Variants in TSPEAR observed in about 807,000 individuals in gnomAD.
TSPEAR encodes the protein thrombospondin type laminin G domain and EAR repeats.
In TSPEAR, 69 loss-of-function variants were observed where a neutral mutation model predicts 71.6. The observed-to-expected ratio is 0.96, with a 90% confidence interval of 0.79 to 1.18. TSPEAR has a LOEUF of 1.18. Among genes scored for constraint, TSPEAR ranks in the 50% most tolerant of loss-of-function variants. The pLI is 0.00. For synonymous variants in TSPEAR, 402 were observed against 387.2 expected (o/e 1.04, Z -0.45); for missense variants, 971 against 894.9 (o/e 1.09, Z -1.09).
At chr21:44,671,386 C>T (rs1986048435) in intron 1 of TSPEAR, among the ~76,000 whole-genome samples, 1 of 152,178 alleles carries the variant, frequency 6.6e-6, no homozygotes, top group Non-Finnish European at 1.5e-5. Context: ...TCTGGAGGCC[C>T]AAGAATCAGC....
intron 1 of TSPEAR, among the ~76,000 whole-genome samples, chr21:44,693,154 AG>A (rs1394535301): frequency 2.0e-5 from 3 of 152,210 alleles, no homozygotes; most frequent in Non-Finnish European, 2.9e-5. Flanking sequence ...CTAGATTTAC[AG>A]ATGGGAAAGA....
intron 2 of TSPEAR, among the ~76,000 whole-genome samples, chr21:44,553,722 A>AC (rs71199611): frequency 0.23 from 34,261 of 152,012 alleles, 4,107 homozygotes; most frequent in East Asian, 0.37. Flanking sequence ...AAATCAGGCC[A>AC]CCTAGACATG....
rs782590976 is a variant in TSPEAR at position 44,509,382 on chromosome 21, A to C, written c.1571T>G (p.Phe524Cys). The C allele has an allele frequency of 3.7e-6, 6 of 1,611,422 alleles. No homozygotes were observed. In the South Asian group the frequency reaches 6.6e-5, roughly 18 times the overall value. The change falls in exon 10 of 12, where the codon TTC becomes TGC. Residue 524 changes from phenylalanine to cysteine, a missense_variant. Transcript: ENST00000323084. ...GAAGACCTCCCAGTCTGCAGCACCGAACGTCTAGGACCAAAGGAGAGCAGG... is the reference window on the plus strand; with the variant it reads ...GAAGACCTCCCAGTCTGCAGCACCGCACGTCTAGGACCAAAGGAGAGCAGG... ...SFQLFQSFPT[F>C]GAADWEVFQI...
chr21:44,651,226 G>C (rs1334301876), intron 1 of TSPEAR, among the ~76,000 whole-genome samples: 2 of 152,142 alleles, frequency 1.3e-5, no homozygotes, highest in African/African-American at 4.8e-5. Context: ...GGTCTCCAGA[G>C]AGGAGACTTG....
intron 1 of TSPEAR, among the ~76,000 whole-genome samples, chr21:44,651,190 G>A (rs1984768323): frequency 6.6e-6 from 1 of 152,164 alleles, no homozygotes; most frequent in Non-Finnish European, 1.5e-5. Context: ...CTGGCAAGCA[G>A]AGAGAGTGAC....
intron 1 of TSPEAR, among the ~76,000 whole-genome samples, chr21:44,644,634 T>A (rs1484451969): frequency 6.6e-6 from 1 of 152,108 alleles, no homozygotes; most frequent in Non-Finnish European, 1.5e-5. Context: ...CTGCCACCAA[T>A]GAGCAGACTA....
chr21:44,633,021 T>C (rs1329818400), intron 1 of TSPEAR, among the ~76,000 whole-genome samples: 4 of 152,024 alleles, frequency 2.6e-5, no homozygotes, highest in African/African-American at 9.7e-5. Context: ...TAGTGTACAA[T>C]TGTTCATATA....
rs1555918687 is a variant in TSPEAR at position 44,551,063 on chromosome 21, G to A, written c.303+16722C>T. On this transcript the variant is annotated intron_variant, in intron 2 of 11. Coordinates refer to ENST00000323084, the MANE Select transcript of TSPEAR (RefSeq NM_144991.3). ...GGCAGGACTGCTGGCAGGAGGAAGA[G>A]GCACAGCAAGCTGGCTGGCAGCTAG... is the stretch of plus-strand genomic sequence containing the variant. 3 of 1,611,606 alleles carry A rather than the reference G, an allele frequency of 1.9e-6. No homozygotes were observed. The South Asian group carries it at 3.3e-5, about 18-fold the overall frequency.
chr21:44,675,872 T>C, intron 1 of TSPEAR: 1 of 699,182 alleles, frequency 1.4e-6, no homozygotes, highest in South Asian at 1.6e-5. Context: ...TAGACCTTAC[T>C]CTGGCTGTAC....
rs182537722 is a variant in TSPEAR at position 44,710,234 on chromosome 21, C to T, written c.82+1199G>A. 1.3e-5 allele frequency among the ~76,000 whole-genome samples: 2 copies of T among 152,322 alleles called. No homozygotes were observed. Among genetic ancestry groups the T allele is most frequent in the East Asian group, 3.9e-4 (2 of 5,178 alleles). The stretch of plus-strand genomic sequence containing the variant: ...TTGGCTCTCGTATTGTTTGCAGAAT[C>T]ACCCAGTTCCAAGGCAGTCCCTGCG... On this transcript the variant is annotated intron_variant, in intron 1 of 11. Coordinates refer to ENST00000323084, the MANE Select transcript of TSPEAR (RefSeq NM_144991.3). This position sits in a 1 kb window ranked among gnomAD's most constrained non-coding sequence, Gnocchi z 4.6.
intron 10 of TSPEAR, chr21:44,508,480 T>TG: frequency 2.0e-6 from 2 of 1,023,972 alleles, no homozygotes; most frequent in Non-Finnish European, 2.3e-6. Flanking sequence ...GCTTGACCCA[T>TG]GGCCCCTGGC....
intron 1 of TSPEAR, among the ~76,000 whole-genome samples, chr21:44,684,121 A>G (rs1382088110): frequency 6.6e-6 from 1 of 152,246 alleles, no homozygotes; most frequent in Non-Finnish European, 1.5e-5. Context: ...ACAAAGGAAC[A>G]AGGATAAGAA....
At position 44,687,513 on chromosome 21, in the gene TSPEAR, G is replaced by A. The variant is rs1986915650; in HGVS notation, c.82+23920C>T. On this transcript the variant is annotated intron_variant, in intron 1 of 11. Coordinates refer to ENST00000323084, the MANE Select transcript of TSPEAR (RefSeq NM_144991.3). This position sits in a 1 kb window ranked among gnomAD's most constrained non-coding sequence, Gnocchi z 4.4. ...ACGCATCGCAGAAACACCGCGCGGG[G>A]TGGGAGAGGCCGGCACCAGAGGACT... 6.6e-6 allele frequency among the ~76,000 whole-genome samples: 1 copy of A among 152,244 alleles called. No homozygotes were observed. The highest frequency in any genetic ancestry group is 1.5e-5 in the Non-Finnish European group (1 of 68,042).
At chr21:44,668,674 C>T (rs587669714) in intron 1 of TSPEAR, among the ~76,000 whole-genome samples, 1 of 152,308 alleles carries the variant, frequency 6.6e-6, no homozygotes, top group African/African-American at 2.4e-5. Context: ...AACTGTGGTA[C>T]TGGCATAAAG....
intron 2 of TSPEAR, chr21:44,558,203 A>G (rs374857522): frequency 8.2e-5 from 127 of 1,557,368 alleles, no homozygotes; most frequent in Middle Eastern, 1.7e-4. Context: ...GGATGGGCAC[A>G]CAGCAGGTGG....
At chr21:44,686,850 A>T (rs1466559075) in intron 1 of TSPEAR, among the ~76,000 whole-genome samples, 9 of 152,166 alleles carry the variant, frequency 5.9e-5, no homozygotes, top group African/African-American at 2.2e-4. Context: ...GGGTCTTTTT[A>T]AAAATTTCCC....
chr21:44,518,363 C>T (rs1405636498), intron 9 of TSPEAR: 1 of 448,958 alleles, frequency 2.2e-6, no homozygotes, highest in Non-Finnish European at 4.5e-6. Flanking sequence ...GCATCTTGAG[C>T]ACCTTGGTGC....
At chr21:44,610,510 A>G (rs1981592343) in intron 1 of TSPEAR, among the ~76,000 whole-genome samples, 1 of 152,246 alleles carries the variant, frequency 6.6e-6, no homozygotes, top group African/African-American at 2.4e-5. Flanking sequence ...CAGAAGATAT[A>G]TGGAAACGCA....
chr21:44,650,889 C>T (rs781948926), intron 1 of TSPEAR, among the ~76,000 whole-genome samples: 2 of 152,208 alleles, frequency 1.3e-5, no homozygotes, highest in African/African-American at 2.4e-5. Context: ...AGGGGACAAC[C>T]ATGGCTTGGC....
Sources: gnomAD v4.1 joint callset for allele counts (sites outside exome capture counted in the v4.1 genomes callset) on GRCh38, gnomAD v4.1.1 for gene constraint, Gnocchi (gnomAD v3.1) non-coding constraint, MANE v1.5 for transcripts, NCBI Gene and HGNC (gene_info 2026-07-23, HGNC 2026-07-21) for gene names.